The following ANO4 variants were observed in gnomAD, a reference collection of about 807,000 sequenced individuals.
The protein encoded by ANO4 is anoctamin 4, also known as anoctamin-4.
In ANO4, 69 loss-of-function variants were observed where a neutral mutation model predicts 141.9. The observed-to-expected ratio is 0.49, with a 90% CI of 0.40 to 0.59. ANO4 has a LOEUF of 0.59. Among genes scored for constraint, ANO4 ranks in the 20% least tolerant of loss-of-function variants. The probability of loss-of-function intolerance (pLI) is 0.00; values close to 1 mark genes in which losing one functional copy is unlikely to be tolerated. For synonymous variants in ANO4, 350 were observed against 394.3 expected, an observed-to-expected ratio of 0.89 and a Z score of 1.33; for missense variants, 894 against 1,162.2, an observed-to-expected ratio of 0.77 and a Z score of 3.36.
rs558932247 is a variant in ANO4, at chr12:100,817,736, G to A, written c.-141+22709G>A. ...ATCCTAAATGCTTAGGACTAATTTCGTTGGTCAGTGGAAAAAGATGGTTAA... is the reference window on the plus strand; with the variant it reads ...ATCCTAAATGCTTAGGACTAATTTCATTGGTCAGTGGAAAAAGATGGTTAA... On this transcript the variant is annotated intron_variant, in intron 1 of 27. Coordinates refer to ENST00000392977, the MANE Select transcript of ANO4 (RefSeq NM_001286615.2). Among the ~76,000 whole-genome samples, 136 of 151,962 alleles carry A rather than the reference G, an allele frequency of 8.9e-4. 4 individuals carry two copies. The South Asian group carries it at 0.027, about 30-fold the overall frequency.
chr12:100,825,936 C>T (rs1481901624), intron 1 of ANO4, among the ~76,000 whole-genome samples: 1 of 151,942 alleles, frequency 6.6e-6, no homozygotes, highest in Non-Finnish European at 1.5e-5. Flanking sequence ...TTAAATTGCA[C>T]AAAATTACTT....
rs115461502 is a variant in ANO4, at chr12:101,021,004, G to A, written c.841+864G>A. Reference sequence around the variant, plus strand: ...TGTGACAGGGGATTGGAGTAATGGAGGGTTGGCTAGTCAAGGGTAAGAATA... The same window carrying A: ...TGTGACAGGGGATTGGAGTAATGGAAGGTTGGCTAGTCAAGGGTAAGAATA... On this transcript the variant is annotated intron_variant, in intron 9 of 27. Transcript: ENST00000392977. Among the ~76,000 whole-genome samples, 4 of 152,178 alleles carry A rather than the reference G, an allele frequency of 2.6e-5. No individual in the cohort carries two copies. The East Asian group carries it at 7.7e-4, about 29-fold the overall frequency.
At chr12:101,000,313 A>G (rs990230229) in intron 8 of ANO4, among the ~76,000 whole-genome samples, 13 of 152,230 alleles carry the variant, frequency 8.5e-5, no homozygotes, top group African/African-American at 3.1e-4. Flanking sequence ...ATACTTTGCC[A>G]TTTAACATTT....
intron 2 of ANO4, among the ~76,000 whole-genome samples, chr12:100,916,276 A>G (rs149979747): frequency 3.1e-4 from 47 of 152,338 alleles, no homozygotes; most frequent in Non-Finnish European, 6.3e-4. Flanking sequence ...AAAATTTAAC[A>G]AGATTTTACT....
intron 22 of ANO4, 128 bp downstream of exon 22, chr12:101,099,848 A>G: frequency 1.5e-6 from 1 of 688,028 alleles, no homozygotes; most frequent in Non-Finnish European, 2.2e-6. Context: ...ACAGAGAGGA[A>G]GGCATGTCCT....
chr12:100,753,569 G>A (rs1298644358), intron 3 of ANO4, among the ~76,000 whole-genome samples: 2 of 152,150 alleles, frequency 1.3e-5, no homozygotes, highest in African/African-American at 2.4e-5. Context: ...CTTGCAGGCA[G>A]CCTGCTCTGC....
At chr12:100,790,749 T>A (rs1285763263), upstream of ANO4, among the ~76,000 whole-genome samples, 1 of 152,250 alleles carries the variant, frequency 6.6e-6, no homozygotes, top group Non-Finnish European at 1.5e-5. Context: ...GAATGCTGAC[T>A]GTGCAAACAA....
chr12:100,767,639 A>C (rs2033142755), intron 3 of ANO4, among the ~76,000 whole-genome samples: 1 of 152,248 alleles, frequency 6.6e-6, no homozygotes, highest in South Asian at 2.1e-4. Context: ...AAAGTGTAAC[A>C]GCACAAGATT....
intron 1 of ANO4, among the ~76,000 whole-genome samples, chr12:100,728,051 A>G (rs1288010423): frequency 6.6e-6 from 1 of 151,654 alleles, no homozygotes; most frequent in African/African-American, 2.4e-5. Flanking sequence ...TTTTACTTTT[A>G]TTCTTTTTTT....
At chr12:100,961,349 G>A (rs1432329403) in intron 5 of ANO4, among the ~76,000 whole-genome samples, 2 of 152,206 alleles carry the variant, frequency 1.3e-5, no homozygotes, top group Non-Finnish European at 2.9e-5. Flanking sequence ...ACTGCCGGTG[G>A]TCTTGTGGAT....
At chr12:100,942,969 C>A (rs1406604992) in intron 5 of ANO4, among the ~76,000 whole-genome samples, 1 of 152,122 alleles carries the variant, frequency 6.6e-6, no homozygotes, top group Admixed American at 6.5e-5. Flanking sequence ...GACTGCCTGG[C>A]CAATTTGGCC....
chr12:100,846,451 A>C (rs1337550509), intron 1 of ANO4, among the ~76,000 whole-genome samples: 1 of 152,230 alleles, frequency 6.6e-6, no homozygotes, highest in Non-Finnish European at 1.5e-5. Context: ...AACAACAAAT[A>C]TTTTACTGGT....
Position 100,891,437 on chromosome 12 carries a change from C to A in ANO4, c.-140-10209C>A, listed in dbSNP as rs560788167. On this transcript the variant is annotated intron_variant, in intron 1 of 27. Coordinates refer to ENST00000392977, the MANE Select transcript of ANO4 (RefSeq NM_001286615.2). ...TGGCCATACCATTTTGTATTTCCACCAGCAGTGAATGAAGGTTCCTGTCGC... is the reference window on the plus strand; with the variant it reads ...TGGCCATACCATTTTGTATTTCCACAAGCAGTGAATGAAGGTTCCTGTCGC... Among the ~76,000 whole-genome samples the A allele has an allele frequency of 5.7e-4, 87 of 152,258 alleles. 1 individual carries two copies. The highest frequency in any genetic ancestry group is 2.0e-3 in the African/African-American group (84 of 41,560).
intron 11 of ANO4, among the ~76,000 whole-genome samples, chr12:101,041,436 G>A (rs548951307): frequency 6.6e-6 from 1 of 152,276 alleles, no homozygotes; most frequent in Admixed American, 6.5e-5. Context: ...TCCCAGCCTC[G>A]GTGCCATGTT....
chr12:100,850,413 A>G (rs146260269), intron 1 of ANO4, among the ~76,000 whole-genome samples: 8 of 152,330 alleles, frequency 5.3e-5, no homozygotes, highest in African/African-American at 1.4e-4. Flanking sequence ...ACTTTCTGAT[A>G]GAATTTCACA....
chr12:100,757,907 C>T (rs531011799), intron 3 of ANO4, among the ~76,000 whole-genome samples: 3 of 152,102 alleles, frequency 2.0e-5, no homozygotes, highest in Non-Finnish European at 2.9e-5. Context: ...TTACTCTTTT[C>T]GCCCATCTGC....
At chr12:100,813,933 G>T (rs1458103420) in intron 1 of ANO4, among the ~76,000 whole-genome samples, 1 of 152,112 alleles carries the variant, frequency 6.6e-6, no homozygotes, top group Non-Finnish European at 1.5e-5. Flanking sequence ...TGGGCCATGC[G>T]TGAGCAAACA....
At chr12:101,077,816 A>G (rs1566215079) in intron 14 of ANO4, among the ~76,000 whole-genome samples, 1 of 152,206 alleles carries the variant, frequency 6.6e-6, no homozygotes, top group African/African-American at 2.4e-5. Flanking sequence ...ACTTAGGGGA[A>G]AAACACTTAA....
At chr12:100,939,656 T>A (rs187375853) in intron 4 of ANO4, among the ~76,000 whole-genome samples, 1 of 152,238 alleles carries the variant, frequency 6.6e-6, no homozygotes. Context: ...AAACAAAGTT[T>A]CAGTTTTTCT....
Sources: gnomAD v4.1 joint callset for allele counts (sites outside exome capture counted in the v4.1 genomes callset) on GRCh38, gnomAD v4.1.1 for gene constraint, MANE v1.5 for transcripts, NCBI Gene and HGNC (gene_info 2026-07-23, HGNC 2026-07-21) for gene names.